SYN3: variants seen among roughly 807,000 people sequenced by gnomAD.
SYN3 encodes the protein synapsin III.
Under a neutral mutation model 65.8 loss-of-function variants are expected in SYN3, and 35 were observed. The ratio of observed to expected loss-of-function variants is 0.53; its 90% CI spans 0.41 to 0.70. SYN3 has a LOEUF of 0.70. SYN3 is among the 30% of genes least tolerant of loss of function. SYN3 has a pLI of 0.00. For synonymous variants in SYN3, 270 were observed against 292.9 expected (o/e 0.92, Z 0.80); for missense variants, 680 against 749.0 (o/e 0.91, Z 1.08).
intron 7 of SYN3, among the ~76,000 whole-genome samples, chr22:32,582,856 C>T (rs2146503369): frequency 6.6e-6 from 1 of 152,272 alleles, no homozygotes; most frequent in South Asian, 2.1e-4. Context: ...GTTAGAGTGG[C>T]CAGGGGCCTC....
At chr22:32,583,806 C>G (rs2858748) in intron 7 of SYN3, 81,222 of 152,010 alleles carry the variant, frequency 0.53, 23,786 homozygotes, top group African/African-American at 0.8. Flanking sequence ...TGTTCCTATA[C>G]CTAGGATTTC....
intron 6 of SYN3, among the ~76,000 whole-genome samples, chr22:32,602,581 C>G (rs556536880): frequency 1.3e-5 from 2 of 152,154 alleles, no homozygotes; most frequent in Admixed American, 1.3e-4. Flanking sequence ...CCTGCCTCAG[C>G]CTCCTGAGTA....
intron 7 of SYN3, among the ~76,000 whole-genome samples, chr22:32,562,580 T>C (rs558044375): frequency 3.9e-5 from 6 of 152,296 alleles, no homozygotes; most frequent in African/African-American, 1.4e-4. Context: ...TGCCCGACAG[T>C]GGACTTGACC....
At chr22:32,937,633 G>A (rs780223702) in intron 3 of SYN3, among the ~76,000 whole-genome samples, 17 of 152,108 alleles carry the variant, frequency 1.1e-4, no homozygotes, top group Admixed American at 4.6e-4. Context: ...ACAGCAAGGC[G>A]GATGGTGCTA....
At chr22:32,779,910 G>A (rs1435903536) in intron 6 of SYN3, among the ~76,000 whole-genome samples, 1 of 151,906 alleles carries the variant, frequency 6.6e-6, no homozygotes, top group East Asian at 1.9e-4. Flanking sequence ...AGGGGAGCAG[G>A]AACAAAGCGC....
At chr22:32,956,062 A>ATATATATATATATATATATATATATAT in intron 3 of SYN3, among the ~76,000 whole-genome samples, 35 of 144,912 alleles carry the variant, frequency 2.4e-4, no homozygotes, top group African/African-American at 6.4e-4. Flanking sequence ...ATATATATAT[A>ATATATATATATATATATATATATATAT]AAATCTCCTA....
At chr22:32,994,687 C>T (rs922928705) in intron 2 of SYN3, among the ~76,000 whole-genome samples, 3 of 152,186 alleles carry the variant, frequency 2.0e-5, no homozygotes, top group African/African-American at 7.2e-5. Flanking sequence ...GTCGGCACCT[C>T]ATCCTCACAG....
chr22:32,916,923 C>T (rs1383680734), intron 4 of SYN3, among the ~76,000 whole-genome samples: 1 of 152,164 alleles, frequency 6.6e-6, no homozygotes, highest in Non-Finnish European at 1.5e-5. Flanking sequence ...TTGTGGGGCT[C>T]TCCTCACTAC....
In SYN3 at chr22:32,794,259, G is replaced by T. The variant is rs3788508; in HGVS notation, c.711+70656C>A. ...ACAGCAACCTTCTGAGGAGAAACTA[G>T]CTTCATATTGAAGCTCTCTGTGACT... On this transcript the variant is annotated intron_variant, in intron 6 of 13. Transcript: ENST00000358763. Among the ~76,000 whole-genome samples, 71 of 152,328 alleles carry T rather than the reference G, an allele frequency of 4.7e-4. No individual in the cohort carries two copies. In the East Asian group the frequency reaches 5.8e-3, roughly 12 times the overall value.
At chr22:33,036,678 C>CTTTTTTTT (rs133977) in intron 1 of SYN3, among the ~76,000 whole-genome samples, 4 of 99,538 alleles carry the variant, frequency 4.0e-5, no homozygotes, top group African/African-American at 1.9e-4. Context: ...AGCCCAAGTT[C>CTTTTTTTT]TTTTTTTTTT....
chr22:32,526,618 C>T (rs752553618), intron 12 of SYN3, among the ~76,000 whole-genome samples: 7 of 152,040 alleles, frequency 4.6e-5, no homozygotes, highest in Non-Finnish European at 1.0e-4. Flanking sequence ...TGGGTTCAAG[C>T]GATTCTCCTG....
intron 4 of SYN3, among the ~76,000 whole-genome samples, chr22:32,873,004 G>A (rs574984306): frequency 1.4e-5 from 2 of 147,088 alleles, no homozygotes; most frequent in African/African-American, 5.1e-5. Flanking sequence ...AGGCTGGTGT[G>A]CAATGGTGTG....
intron 6 of SYN3, among the ~76,000 whole-genome samples, chr22:32,796,909 T>G (rs1175881734): frequency 1.3e-5 from 2 of 152,284 alleles, no homozygotes; most frequent in Admixed American, 1.3e-4. Flanking sequence ...CACAACTATG[T>G]TGCTTCCCCA....
intron 1 of SYN3, among the ~76,000 whole-genome samples, chr22:33,008,924 C>CAAAAAAAAAAAAAAAAAAAAA (rs201719238): frequency 5.3e-5 from 3 of 57,096 alleles, no homozygotes; most frequent in African/African-American, 6.5e-5. Context: ...GACTTTATCT[C>CAAAAAAAAAAAAAAAAAAAAA]AAAAAAAAAA....
intron 6 of SYN3, among the ~76,000 whole-genome samples, chr22:32,829,007 TGGA>T (rs1411998027): frequency 6.6e-6 from 1 of 152,170 alleles, no homozygotes; most frequent in Non-Finnish European, 1.5e-5. Context: ...TCTTGAGGGT[TGGA>T]GGAGACTACC....
At chr22:33,035,197 A>G (rs138833308) in intron 1 of SYN3, among the ~76,000 whole-genome samples, 4 of 152,316 alleles carry the variant, frequency 2.6e-5, no homozygotes, top group African/African-American at 9.6e-5. Flanking sequence ...TGACGATGAT[A>G]GTAATAATAA....
intron 6 of SYN3, among the ~76,000 whole-genome samples, chr22:32,768,647 A>ATT (rs11404116): frequency 2.6e-5 from 4 of 151,898 alleles, no homozygotes; most frequent in East Asian, 3.9e-4. Flanking sequence ...GTTTTATCTT[A>ATT]TTTTTTCTCT....
chr22:32,822,124 C>T (rs2047264548), intron 6 of SYN3, among the ~76,000 whole-genome samples: 1 of 142,526 alleles, frequency 7.0e-6, no homozygotes. Context: ...CATTGCACTC[C>T]AGCCTGGGCA....
chr22:33,056,800 C>T (rs909980756), intron 1 of SYN3, among the ~76,000 whole-genome samples: 1 of 151,644 alleles, frequency 6.6e-6, no homozygotes. Flanking sequence ...GATTTCCCAG[C>T]GAGCCCTTGT....
Sources: gnomAD v4.1 joint callset for allele counts (sites outside exome capture counted in the v4.1 genomes callset) on GRCh38, gnomAD v4.1.1 for gene constraint, MANE v1.5 for transcripts, NCBI Gene and HGNC (gene_info 2026-07-23, HGNC 2026-07-21) for gene names.